LRRC4C: variants seen among roughly 807,000 people sequenced by gnomAD.
LRRC4C encodes leucine rich repeat containing 4C.
A neutral mutation model predicts 33.6 loss-of-function variants in LRRC4C; 5 were observed. The ratio of observed to expected loss-of-function variants is 0.15; its 90% CI spans 0.08 to 0.31. The LOEUF is 0.31. LRRC4C is among the 10% of genes least tolerant of loss of function. LRRC4C has a pLI of 1.00. For missense variants in LRRC4C, 560 were observed against 796.7 expected (o/e 0.70, Z 3.58); for synonymous variants, 329 against 302.0 (o/e 1.09, Z -0.93).
chr11:40,793,794 C>A (rs1463014200), intron 2 of LRRC4C, among the ~76,000 whole-genome samples: 1 of 152,246 alleles, frequency 6.6e-6, no homozygotes, highest in African/African-American at 2.4e-5. Flanking sequence ...TAATATAAAT[C>A]ATTTTCAACT....
intron 2 of LRRC4C, among the ~76,000 whole-genome samples, chr11:40,843,730 T>G (rs1953022136): frequency 6.6e-6 from 1 of 152,172 alleles, no homozygotes; most frequent in South Asian, 2.1e-4. Context: ...ATGCTCAAAA[T>G]TTTAGAAATA....
At chr11:40,281,786 G>A (rs1208920369) in intron 4 of LRRC4C, among the ~76,000 whole-genome samples, 2 of 152,054 alleles carry the variant, frequency 1.3e-5, no homozygotes, top group African/African-American at 4.8e-5. Context: ...GGACCACATC[G>A]ATGATAACAG....
At chr11:41,401,514 G>A (rs1954025434) in intron 1 of LRRC4C, among the ~76,000 whole-genome samples, 1 of 151,838 alleles carries the variant, frequency 6.6e-6, no homozygotes, top group Non-Finnish European at 1.5e-5. Flanking sequence ...GTCTAGTTGG[G>A]AAAATAGGCA....
At position 40,359,632 on chromosome 11, in the gene LRRC4C, A is replaced by C. The variant is rs182318174; in HGVS notation, c.-269-39911T>G. On this transcript the variant is annotated intron_variant, in intron 3 of 6. Coordinates refer to ENST00000528697, the MANE Select transcript of LRRC4C (RefSeq NM_001258419.2). ...TGTGACTAGATTAATCCTCTTAGGC[A>C]TAGCTGTATGAGAATATTTTCCTGC... Among the ~76,000 whole-genome samples, 381 of 152,276 alleles carry C rather than the reference A, an allele frequency of 2.5e-3. 1 individual carries two copies. Among genetic ancestry groups the C allele is most frequent in the Middle Eastern group, 0.01 (3 of 294 alleles).
intron 2 of LRRC4C, among the ~76,000 whole-genome samples, chr11:40,814,998 CCA>C (rs1242116511): frequency 1.1e-4 from 17 of 152,258 alleles, no homozygotes; most frequent in Admixed American, 1.1e-3. Flanking sequence ...TTACCCAGTT[CCA>C]AAGTCGCTTC....
intron 3 of LRRC4C, among the ~76,000 whole-genome samples, chr11:40,349,484 T>G (rs888749985): frequency 6.6e-6 from 1 of 152,152 alleles, no homozygotes; most frequent in Non-Finnish European, 1.5e-5. Flanking sequence ...GGTGAACACT[T>G]CGGTTGCTTC....
rs532863383 is a variant in LRRC4C, at chr11:40,968,757, T to A, written c.-495-35034A>T. Among the ~76,000 whole-genome samples the A allele has an allele frequency of 2.1e-3, 322 of 152,156 alleles. 1 individual carries two copies. Among genetic ancestry groups the A allele is most frequent in the Middle Eastern group, 6.8e-3 (2 of 294 alleles). On this transcript the variant is annotated intron_variant, in intron 1 of 6. Transcript: ENST00000528697. ...TAAGCCCACTTTTGAGACCTACTGT[T>A]TAGAAAAAAAATGAATCCCTTCAAA...
At chr11:40,898,516 G>A (rs1406191554) in intron 2 of LRRC4C, among the ~76,000 whole-genome samples, 5 of 151,792 alleles carry the variant, frequency 3.3e-5, no homozygotes, top group East Asian at 1.9e-4. Context: ...AGATTGTATC[G>A]CAAATGGCTC....
chr11:40,768,182 T>C (rs1258954297), intron 2 of LRRC4C, among the ~76,000 whole-genome samples: 3 of 152,004 alleles, frequency 2.0e-5, no homozygotes, highest in Admixed American at 2.0e-4. Context: ...GAGAATGGTA[T>C]GTGAAACTGT....
At chr11:40,167,432 GT>G (rs1859686722) in intron 5 of LRRC4C, among the ~76,000 whole-genome samples, 1 of 152,138 alleles carries the variant, frequency 6.6e-6, no homozygotes, top group African/African-American at 2.4e-5. Flanking sequence ...TTGTAATCAT[GT>G]GATTTTATGT....
chr11:40,514,508 AAAGTACTTAATAG>A (rs1565463427), intron 3 of LRRC4C, among the ~76,000 whole-genome samples: 1 of 152,180 alleles, frequency 6.6e-6, no homozygotes, highest in Admixed American at 6.5e-5. Flanking sequence ...AAAGCCATAC[AAAGTACTTAATAG>A]AGTAACGGGC....
Position 40,247,654 on chromosome 11 carries a change from TG to T in LRRC4C, c.-175-6057del, listed in dbSNP as rs1308284291. Among the ~76,000 whole-genome samples, 6 of 55,340 alleles carry T rather than the reference TG, an allele frequency of 1.1e-4. No individual in the cohort carries two copies. In the East Asian group the frequency reaches 9.0e-3, roughly 83 times the overall value. The allele number at this position is 55,340 out of a possible 152,430, so 36.3% of individuals were successfully genotyped here. A position where few individuals can be genotyped will look rare whatever the true frequency, so the allele number is the denominator to read the frequency against. On this transcript the variant is annotated intron_variant, in intron 4 of 6. Coordinates refer to ENST00000528697, the MANE Select transcript of LRRC4C (RefSeq NM_001258419.2). ...ACTGAACAATCATTGGGTTACTCTC[TG>T]CTTTTTGTGTGTGCGTTTTTTGTTG... is the stretch of plus-strand genomic sequence containing the variant.
At position 40,983,640 on chromosome 11, in the gene LRRC4C, C is replaced by T. The variant is rs1383714344; in HGVS notation, c.-495-49917G>A. Among the ~76,000 whole-genome samples the T allele has an allele frequency of 6.6e-5, 10 of 151,824 alleles. No homozygotes were observed. The South Asian group carries it at 8.3e-4, about 13-fold the overall frequency. On this transcript the variant is annotated intron_variant, in intron 1 of 6. Transcript: ENST00000528697. ...ATCCAGCATCTATAAGGAACTTAGA[C>T]AAATTTACAAGAAAAAACAACCCCA...
At chr11:40,478,274 C>A (rs1350815060) in intron 3 of LRRC4C, among the ~76,000 whole-genome samples, 1 of 152,144 alleles carries the variant, frequency 6.6e-6, no homozygotes, top group Admixed American at 6.5e-5. Context: ...AAACAATAAT[C>A]TAGAATAAAG....
intron 1 of LRRC4C, among the ~76,000 whole-genome samples, chr11:41,304,402 G>T (rs1950402851): frequency 2.4e-5 from 2 of 82,776 alleles, no homozygotes; most frequent in African/African-American, 4.5e-5. Context: ...GAGGTGGGGG[G>T]GTCAGCCCTC....
intron 1 of LRRC4C, among the ~76,000 whole-genome samples, chr11:40,946,037 G>C (rs2136652863): frequency 6.6e-6 from 1 of 152,292 alleles, no homozygotes; most frequent in East Asian, 1.9e-4. Context: ...CTGTTGCTCA[G>C]ATAGTTAGCA....
At position 41,041,491 on chromosome 11, in the gene LRRC4C, T is replaced by C. The variant is rs1003426087; in HGVS notation, c.-495-107768A>G. On this transcript the variant is annotated intron_variant, in intron 1 of 6. Coordinates refer to ENST00000528697, the MANE Select transcript of LRRC4C (RefSeq NM_001258419.2). The stretch of plus-strand genomic sequence containing the variant: ...TAAAGCTGTAAAATAGTATGTTTTA[T>C]GTATCTGTAATAATGAAGTAGACTT... 2.0e-5 allele frequency among the ~76,000 whole-genome samples: 3 copies of C among 152,144 alleles called. No homozygotes were observed. In the East Asian group the frequency reaches 5.8e-4, roughly 29 times the overall value.
intron 1 of LRRC4C, among the ~76,000 whole-genome samples, chr11:41,192,056 A>G (rs1201154424): frequency 6.6e-6 from 1 of 152,176 alleles, no homozygotes; most frequent in Non-Finnish European, 1.5e-5. Context: ...AGATAGCCAC[A>G]CAGCACATCA....
chr11:40,244,068 T>C (rs920835375), intron 4 of LRRC4C, among the ~76,000 whole-genome samples: 1 of 152,074 alleles, frequency 6.6e-6, no homozygotes, highest in Non-Finnish European at 1.5e-5. Flanking sequence ...GAACTAAGAA[T>C]GTGTTAGAAA....
Sources: gnomAD v4.1 joint callset for allele counts (sites outside exome capture counted in the v4.1 genomes callset) on GRCh38, gnomAD v4.1.1 for gene constraint, MANE v1.5 for transcripts, NCBI Gene and HGNC (gene_info 2026-07-23, HGNC 2026-07-21) for gene names.